Variants in NRG1 observed in about 807,000 individuals in gnomAD.
NRG1 encodes the protein neuregulin 1, also known as pro-neuregulin-1, membrane-bound isoform.
In NRG1, 18 loss-of-function variants were observed where a neutral mutation model predicts 63.8. The ratio of observed to expected loss-of-function variants is 0.28; its 90% confidence interval spans 0.19 to 0.42. NRG1 has a LOEUF of 0.42. Among genes scored for constraint, NRG1 ranks in the 10% least tolerant of loss-of-function variants. NRG1 has a pLI of 1.00. For synonymous variants in NRG1, 302 were observed against 301.3 expected (o/e 1.00, Z -0.02); for missense variants, 762 against 814.7 (o/e 0.94, Z 0.79).
intron 5 of NRG1, among the ~76,000 whole-genome samples, chr8:32,653,051 T>C (rs556703345): frequency 3.1e-4 from 47 of 152,236 alleles, no homozygotes; most frequent in Non-Finnish European, 6.3e-4. Context: ...TCTACTTTTA[T>C]GCTCATGTTT....
intron 1 of NRG1, among the ~76,000 whole-genome samples, chr8:32,479,453 G>A (rs1824951141): frequency 6.6e-6 from 1 of 151,952 alleles, no homozygotes; most frequent in South Asian, 2.1e-4. Context: ...CTCTAGCCTG[G>A]GCGACAGAAT....
chr8:32,455,264 G>T (rs1821460245), intron 1 of NRG1, among the ~76,000 whole-genome samples: 1 of 152,172 alleles, frequency 6.6e-6, no homozygotes, highest in South Asian at 2.1e-4. Flanking sequence ...CTGCGGGAAT[G>T]AAATGAGGTA....
intron 1 of NRG1, among the ~76,000 whole-genome samples, chr8:32,404,112 C>T (rs938388259): frequency 6.6e-6 from 1 of 152,196 alleles, no homozygotes; most frequent in African/African-American, 2.4e-5. Context: ...ACCTAGGTGC[C>T]TAAAGAGAAG....
chr8:32,533,340 C>T (rs745988492), intron 1 of NRG1, among the ~76,000 whole-genome samples: 213 of 152,056 alleles, frequency 1.4e-3, no homozygotes, highest in Non-Finnish European at 1.7e-3. Flanking sequence ...AATTCAAGTA[C>T]AATAAAATGG....
chr8:32,217,502 C>A (rs6992672), intron 1 of NRG1, among the ~76,000 whole-genome samples: 121,730 of 152,096 alleles, frequency 0.8, 49,460 homozygotes, highest in African/African-American at 0.92. Context: ...CATAAGAAGT[C>A]ATTTTCTCTT....
intron 1 of NRG1, among the ~76,000 whole-genome samples, chr8:31,783,949 T>C (rs1188379553): frequency 6.6e-6 from 1 of 152,212 alleles, no homozygotes; most frequent in African/African-American, 2.4e-5. Flanking sequence ...ACAATATTTA[T>C]AAAACTAATT....
At chr8:32,109,237 A>G (rs1212119047) in intron 1 of NRG1, among the ~76,000 whole-genome samples, 9 of 152,182 alleles carry the variant, frequency 5.9e-5, no homozygotes, top group Admixed American at 3.3e-4. Flanking sequence ...ACTTTCATGC[A>G]CACATATCAT....
At chr8:32,703,039 C>T (rs978510553) in intron 5 of NRG1, among the ~76,000 whole-genome samples, 11 of 152,080 alleles carry the variant, frequency 7.2e-5, no homozygotes, top group Non-Finnish European at 1.3e-4. Context: ...AATAAATCAA[C>T]AGTTTTAACA....
intron 1 of NRG1, among the ~76,000 whole-genome samples, chr8:32,156,670 G>A (rs1246763313): frequency 1.3e-5 from 2 of 152,218 alleles, no homozygotes; most frequent in Non-Finnish European, 2.9e-5. Context: ...AATAAAGCTG[G>A]CAAGCACTGA....
At position 32,515,368 on chromosome 8, in the gene NRG1, AT is replaced by A. The variant is rs549479425; in HGVS notation, c.38-80453del. Among the ~76,000 whole-genome samples the A allele has an allele frequency of 2.2e-4, 34 of 151,954 alleles. 1 individual carries two copies. In the South Asian group the frequency reaches 6.9e-3, roughly 31 times the overall value. The stretch of plus-strand genomic sequence containing the variant: ...TCTTTGATGATTAGTGATGTTGAGA[AT>A]TTTTTTCATACGTTTGGTAGCTGCT... On this transcript the variant is annotated intron_variant, in intron 1 of 10. Transcript: ENST00000519301.
At chr8:31,921,272 C>A (rs1175230751) in intron 1 of NRG1, among the ~76,000 whole-genome samples, 1 of 152,112 alleles carries the variant, frequency 6.6e-6, no homozygotes, top group Non-Finnish European at 1.5e-5. Flanking sequence ...ATTTGTCTAG[C>A]TTATAATGTC....
At chr8:32,560,093 G>A (rs959643981) in intron 1 of NRG1, among the ~76,000 whole-genome samples, 6 of 151,912 alleles carry the variant, frequency 3.9e-5, no homozygotes, top group Admixed American at 6.6e-5. Flanking sequence ...TAAGCTGTAA[G>A]GACATCAATA....
intron 11 of NRG1, 136 bp downstream of exon 11, chr8:32,760,542 A>G: frequency 6.8e-7 from 1 of 1,469,640 alleles, no homozygotes; most frequent in Non-Finnish European, 8.9e-7. Context: ...GAGTGCTCCT[A>G]GTTGATGAAG....
intron 1 of NRG1, among the ~76,000 whole-genome samples, chr8:32,394,624 A>T (rs1308302873): frequency 6.6e-6 from 1 of 152,202 alleles, no homozygotes; most frequent in Non-Finnish European, 1.5e-5. Flanking sequence ...TAAATCCTCA[A>T]GGATCACTTA....
At position 32,714,766 on chromosome 8, in the gene NRG1, G is replaced by A. The variant is rs558801269; in HGVS notation, c.503-13183G>A. On this transcript the variant is annotated intron_variant, in intron 5 of 11. Transcript: ENST00000356819. ...AGGAAAGCCAGGATCACAGGCATGC[G>A]CATGCACACACACACAAACACACAC... Among the ~76,000 whole-genome samples, 9 of 152,090 alleles carry A rather than the reference G, an allele frequency of 5.9e-5. No individual in the cohort carries two copies. In the East Asian group the frequency reaches 7.8e-4, roughly 13 times the overall value.
At chr8:32,526,394 G>A (rs549869640) in intron 1 of NRG1, among the ~76,000 whole-genome samples, 1 of 152,282 alleles carries the variant, frequency 6.6e-6, no homozygotes, top group Non-Finnish European at 1.5e-5. Flanking sequence ...CAACAAAATA[G>A]AAGTCACTAT....
At chr8:32,588,053 CTG>C in intron 1 of NRG1, among the ~76,000 whole-genome samples, 1 of 152,106 alleles carries the variant, frequency 6.6e-6, no homozygotes, top group East Asian at 1.9e-4. Flanking sequence ...TCCCTAGTAA[CTG>C]GGATTACAGA....
intron 1 of NRG1, among the ~76,000 whole-genome samples, chr8:32,461,310 G>A (rs918908952): frequency 6.6e-6 from 1 of 152,104 alleles, no homozygotes; most frequent in African/African-American, 2.4e-5. Context: ...AGTCTATGAA[G>A]GAAATAAAAT....
intron 1 of NRG1, among the ~76,000 whole-genome samples, chr8:32,112,473 A>C (rs1190150896): frequency 6.6e-6 from 1 of 152,228 alleles, no homozygotes; most frequent in Non-Finnish European, 1.5e-5. Context: ...GTTGAAGTCA[A>C]ATCTCCGTAT....
Sources: gnomAD v4.1 joint callset for allele counts (sites outside exome capture counted in the v4.1 genomes callset) on GRCh38, gnomAD v4.1.1 for gene constraint, MANE v1.5 for transcripts, NCBI Gene and HGNC (gene_info 2026-07-23, HGNC 2026-07-21) for gene names.